Variants in ZNF717 observed in about 807,000 individuals in gnomAD.
ZNF717 encodes zinc finger protein 717, also known as krueppel-like factor X17.
Under a neutral mutation model 13.8 loss-of-function variants are expected in ZNF717, and 9 were observed. The observed-to-expected ratio is 0.65, with a 90% CI of 0.39 to 1.14. The LOEUF is 1.14. Among genes scored for constraint, ZNF717 ranks in the 50% most tolerant of loss-of-function variants. ZNF717 has a pLI of 0.01. For missense variants in ZNF717, 1,040 were observed against 1,080.7 expected (o/e 0.96, Z 0.53); for synonymous variants, 327 against 364.1 (o/e 0.90, Z 1.16).
chr3:75,714,970 G>A (rs1439320362), intron 5 of ZNF717, among the ~76,000 whole-genome samples: 1 of 152,020 alleles, frequency 6.6e-6, no homozygotes, highest in Non-Finnish European at 1.5e-5. Flanking sequence ...CAGATCTTAT[G>A]GTTCTTTTAT....
At chr3:75,775,724 G>A (rs927859905) in intron 2 of ZNF717, among the ~76,000 whole-genome samples, 1 of 151,912 alleles carries the variant, frequency 6.6e-6, no homozygotes, top group African/African-American at 2.4e-5. Flanking sequence ...GTGGTGGTGT[G>A]CGCCTGTAAT....
In ZNF717 at chr3:75,738,748, G is replaced by T. The variant is rs1361483502; in HGVS notation, c.875C>A (p.Ser292Tyr). The T allele has an allele frequency of 6.4e-7, 1 of 1,552,332 alleles. No individual in the cohort carries two copies. The highest frequency in any genetic ancestry group is 1.4e-5 in the African/African-American group (1 of 73,218). Residue 292 changes from serine to tyrosine, a missense_variant, in exon 5 of 5, where the codon TCC becomes TAC. This residue lies in a region of ZNF717 where 873 missense variants were observed against 832.8 expected (regional missense o/e 1.05). Transcript: ENST00000652011. ...PYECVECEKP[S>Y]ISKSDLMLQC... ...TAGCATAAGGTCTGATTTGCTAATG[G>T]AGGGTTTCTCACATTCAACACATTC...
At chr3:75,695,452 A>C (rs1343890258) in intron 6 of ZNF717, among the ~76,000 whole-genome samples, 1 of 152,308 alleles carries the variant, frequency 6.6e-6, no homozygotes, top group Non-Finnish European at 1.5e-5. Flanking sequence ...GAAACATCAG[A>C]CTTAATCTGC....
chr3:75,738,558 A>G lies in ZNF717; in HGVS notation c.1065T>C (p.Thr355=), dbSNP rs1286783776. ...CCCCTGTGTGAGTTCTCTCATGTAA[A>G]GTGAGGAATGACTTACGGCGAAAGG... ...GKTFRRKSFL[T]LHERTHTGDK... The change falls in exon 5 of 5, where the codon ACT becomes ACC. Residue 355 remains threonine, a synonymous_variant. Transcript: ENST00000652011. The G allele has an allele frequency of 3.2e-6, 5 of 1,541,758 alleles. No individual in the cohort carries two copies. In the African/African-American group the frequency reaches 4.1e-5, roughly 13 times the overall value.
chr3:75,726,667 G>A (rs1354475383), downstream of ZNF717, among the ~76,000 whole-genome samples: 1 of 152,240 alleles, frequency 6.6e-6, no homozygotes, highest in Admixed American at 6.5e-5. Context: ...AACGATCCTG[G>A]GCCTTGATGA....
At chr3:75,773,992 G>A (rs1468508303) in intron 2 of ZNF717, among the ~76,000 whole-genome samples, 1 of 152,254 alleles carries the variant, frequency 6.6e-6, no homozygotes, top group East Asian at 1.9e-4. Context: ...GGGGGTTGCA[G>A]TGAACCAAGA....
At chr3:75,751,116 G>A (rs1289042821) in intron 2 of ZNF717, among the ~76,000 whole-genome samples, 1 of 151,838 alleles carries the variant, frequency 6.6e-6, no homozygotes, top group African/African-American at 2.4e-5. Context: ...ATGAGGGTCC[G>A]AATGTTTGCC....
At chr3:75,724,145 A>T (rs111945162) in intron 4 of ZNF717, among the ~76,000 whole-genome samples, 1,268 of 110,654 alleles carry the variant, frequency 0.011, no homozygotes, top group Admixed American at 0.016. Flanking sequence ...ACGTGACCTT[A>T]CCTATCATTG....
At chr3:75,764,872 A>G (rs1442657299) in intron 2 of ZNF717, among the ~76,000 whole-genome samples, 1 of 152,114 alleles carries the variant, frequency 6.6e-6, no homozygotes, top group Non-Finnish European at 1.5e-5. Flanking sequence ...GAGAGACAGA[A>G]TAACTAGTAG....
intron 2 of ZNF717, among the ~76,000 whole-genome samples, chr3:75,778,049 C>T (rs1443382911): frequency 1.1e-4 from 17 of 148,944 alleles, no homozygotes; most frequent in African/African-American, 4.0e-4. Flanking sequence ...AACCAGAACC[C>T]AAAACAATGG....
intron 2 of ZNF717, among the ~76,000 whole-genome samples, chr3:75,777,917 C>T (rs549707465): frequency 3.2e-5 from 4 of 125,484 alleles, no homozygotes; most frequent in Non-Finnish European, 6.6e-5. Flanking sequence ...CAAAACAATG[C>T]GAGTGACATG....
downstream of ZNF717, among the ~76,000 whole-genome samples, chr3:75,726,963 A>G (rs1938293998): frequency 6.6e-6 from 1 of 152,232 alleles, no homozygotes; most frequent in Admixed American, 6.5e-5. Flanking sequence ...CATGTATATT[A>G]CCATGGTCCC....
At chr3:75,730,616 A>T in exon 6 of ZNF717, 1 of 702,448 alleles carries the variant, frequency 1.4e-6, no homozygotes, top group South Asian at 1.5e-5. Context: ...AGAGAGATCA[A>T]ACCTGGAGAT....
downstream of ZNF717, among the ~76,000 whole-genome samples, chr3:75,734,815 ATATTTTTT>A (rs1444158195): frequency 3.2e-3 from 136 of 43,148 alleles, no homozygotes; most frequent in East Asian, 0.011. Flanking sequence ...ATATATATAT[ATATTTTTT>A]TTTTTTTTTT....
At chr3:75,726,195 T>C (rs1315804902), downstream of ZNF717, among the ~76,000 whole-genome samples, 1 of 152,296 alleles carries the variant, frequency 6.6e-6, no homozygotes, top group Non-Finnish European at 1.5e-5. Context: ...TATGTGATTC[T>C]TTCTTTCCTA....
chr3:75,735,628 G>A (rs1368358863), downstream of ZNF717, among the ~76,000 whole-genome samples: 1 of 112,250 alleles, frequency 8.9e-6, no homozygotes, highest in East Asian at 3.3e-4. Flanking sequence ...CTGGGTGACT[G>A]TCTCAATAAA....
chr3:75,775,272 G>A (rs1944222669), intron 2 of ZNF717, among the ~76,000 whole-genome samples: 1 of 152,164 alleles, frequency 6.6e-6, no homozygotes, highest in South Asian at 2.1e-4. Flanking sequence ...CCTAATTATG[G>A]TTATTAAGTT....
At position 75,737,332 on chromosome 3, in the gene ZNF717, C is replaced by A. The variant is rs112630759; in HGVS notation, c.2291G>T (p.Gly764Val). 1 of 1,552,590 alleles carries A rather than the reference C, an allele frequency of 6.4e-7. No homozygotes were observed. The highest frequency in any genetic ancestry group is 1.2e-5 in the South Asian group (1 of 84,090). The change falls in exon 5 of 5, where the codon GGG (glycine) becomes GTG (valine). Residue 764 changes from glycine (G) to valine (V), a missense_variant. Transcript: ENST00000652011. Reference protein sequence around the residue: ...GEKPYECNECGKTFCHKSNLS... With the variant: ...GEKPYECNECVKTFCHKSNLS... ...GTTTGACTTGTGACAAAAGGTTTTC[C>A]CACACTCATTACATTCATAAGGTTT... is the stretch of plus-strand genomic sequence containing the variant.
chr3:75,757,208 TAGA>T (rs756724919), intron 2 of ZNF717, among the ~76,000 whole-genome samples: 2 of 152,222 alleles, frequency 1.3e-5, no homozygotes, highest in African/African-American at 4.8e-5. Context: ...AGCCTTCTGT[TAGA>T]AGGAGATGCC....
Sources: allele counts gnomAD v4.1 joint callset (sites outside exome capture counted in the v4.1 genomes callset), GRCh38; gene constraint gnomAD v4.1.1; regional missense constraint gnomAD v4.1.1; transcripts MANE v1.5; gene names NCBI Gene and HGNC (gene_info 2026-07-23, HGNC 2026-07-21).